BCORL1: variants seen among roughly 807,000 people sequenced by gnomAD.
The protein encoded by BCORL1 is BCL6 corepressor like 1.
Under a neutral mutation model 87.6 loss-of-function variants are expected in BCORL1, and 7 were observed. The observed-to-expected ratio is 0.08, with a 90% CI of 0.05 to 0.15. The LOEUF (loss-of-function observed/expected upper bound fraction) is 0.15. Ranked by LOEUF, BCORL1 falls within the 10% of genes least tolerant of loss-of-function variation. The probability of loss-of-function intolerance (pLI) is 1.00; values close to 1 mark genes in which losing one functional copy is unlikely to be tolerated. For synonymous variants in BCORL1, 591 were observed against 634.4 expected, an observed-to-expected ratio of 0.93 and a Z score of 1.03; for missense variants, 1,215 against 1,499.7, an observed-to-expected ratio of 0.81 and a Z score of 3.13.
chrX:130,013,845 C>T lies in BCORL1; in HGVS notation c.1073C>T (p.Pro358Leu). Residue 358 changes from proline (P) to leucine (L), a missense_variant, in exon 4 of 14, where the codon CCC becomes CTC. Physicochemically the swap from Pro to Leu is moderately conservative, Grantham distance 98. Coordinates refer to ENST00000540052, the MANE Select transcript of BCORL1 (RefSeq NM_001379451.1). ...AAPAPPSVPM[P>L]TPTPSSGPPS... The stretch of plus-strand genomic sequence containing the variant: ...CCTGCCCCTCCGTCTGTGCCCATGC[C>T]CACTCCAACCCCATCTTCCGGCCCA... 1 of 1,167,534 alleles carries T rather than the reference C, an allele frequency of 8.6e-7. No individual in the cohort carries two copies. The highest frequency in any genetic ancestry group is 1.1e-6 in the Non-Finnish European group (1 of 873,193).
In BCORL1 at chrX:130,013,416, A is replaced by C. The variant is rs1252221686; in HGVS notation, c.644A>C (p.His215Pro). 1 of 1,209,175 alleles carries C rather than the reference A, an allele frequency of 8.3e-7. No homozygotes were observed. Among genetic ancestry groups the C allele is most frequent in the East Asian group, 3.0e-5 (1 of 33,729 alleles). ...PPAPGSASVP[H>P]SVPDAFQVPL... ...GCTCCCGGTTCGGCCTCTGTGCCCC[A>C]CTCTGTTCCAGATGCATTCCAGGTT... The change falls in exon 4 of 14, where the codon CAC becomes CCC. Residue 215 changes from histidine (H) to proline (P), a missense_variant. Coordinates refer to ENST00000540052, the MANE Select transcript of BCORL1 (RefSeq NM_001379451.1).
intron 2 of BCORL1, among the ~76,000 whole-genome samples, 198 bp from the exon 3 acceptor site, chrX:130,012,380 T>A: frequency 9.0e-6 from 1 of 111,385 alleles, no homozygotes; most frequent in Non-Finnish European, 1.9e-5. Context: ...TGGTAGGGAC[T>A]TGCAAAGCTA....
intron 1 of BCORL1, among the ~76,000 whole-genome samples, chrX:129,984,838 A>T (rs1365233396): frequency 9.0e-6 from 1 of 110,935 alleles, no homozygotes; most frequent in African/African-American, 3.3e-5. Flanking sequence ...TTTTTGTTTT[A>T]TTGTTTTGAA....
chrX:130,009,465 GAAAAAA>G (rs58485210), intron 2 of BCORL1, among the ~76,000 whole-genome samples: 1 of 50,930 alleles, frequency 2.0e-5, no homozygotes, highest in Non-Finnish European at 4.3e-5. Context: ...CTAAAAGAAA[GAAAAAA>G]AAAAAAAAAA....
In BCORL1 at chrX:130,013,888, C is replaced by T; in HGVS notation, c.1116C>T (p.Leu372=). 1 of 1,165,101 alleles carries T rather than the reference C, an allele frequency of 8.6e-7. No homozygotes were observed. Among genetic ancestry groups the T allele is most frequent in the East Asian group, 3.2e-5 (1 of 30,785 alleles). Residue 372 remains leucine (L), a synonymous_variant, in exon 4 of 14, where the codon CTC becomes CTT. Coordinates refer to ENST00000540052, the MANE Select transcript of BCORL1 (RefSeq NM_001379451.1). ...CCGGCCCACCTTCTACCCCCACCCT[C>T]ATCCCCGCCTTTGCTCCTACACCGG... ...PSSGPPSTPT[L]IPAFAPTPVP... is the part of the protein sequence containing the mutation.
chrX:130,018,163 A>G (rs113007334), intron 4 of BCORL1, among the ~76,000 whole-genome samples: 1 of 112,045 alleles, frequency 8.9e-6, no homozygotes, highest in Non-Finnish European at 1.9e-5. Flanking sequence ...CTTAATCTCT[A>G]TGGCCTTCAG....
intron 12 of BCORL1, among the ~76,000 whole-genome samples, chrX:130,051,472 C>T (rs1471970134): frequency 8.9e-6 from 1 of 112,922 alleles, no homozygotes; most frequent in African/African-American, 3.2e-5. Context: ...GCCCTGCAGG[C>T]AGTGAGGTGG....
chrX:130,008,227 C>G (rs1928649652), intron 2 of BCORL1, among the ~76,000 whole-genome samples: 1 of 109,930 alleles, frequency 9.1e-6, no homozygotes, highest in African/African-American at 3.3e-5. Context: ...GCCAGATTTT[C>G]CTTCCTTCTA....
intron 4 of BCORL1, 26 bp downstream of exon 4, chrX:130,016,239 T>A: frequency 3.4e-6 from 4 of 1,165,940 alleles, no homozygotes; most frequent in Non-Finnish European, 4.6e-6. Context: ...AGGTCCAGGG[T>A]GGGGCCGAGA....
At position 130,028,878 on chromosome X, in the gene BCORL1, G is replaced by A. The variant is rs376638549; in HGVS notation, c.4305+17G>A. The A allele has an allele frequency of 1.5e-4, 165 of 1,131,125 alleles. No individual in the cohort carries two copies. In the African/African-American group the frequency reaches 3.0e-3, roughly 20 times the overall value. 93.2% of individuals were successfully genotyped at this position (1,131,125 alleles called of 1,213,427 possible). A position where few individuals can be genotyped will look rare whatever the true frequency, so the allele number is the denominator to read the frequency against. Reference sequence around the variant, plus strand: ...GAGGCAAAGGTGTGTAGCTATCAAGGGGTATTGTAGAAGGTGTGTGTGGCG... The same window carrying A: ...GAGGCAAAGGTGTGTAGCTATCAAGAGGTATTGTAGAAGGTGTGTGTGGCG... On this transcript the variant is annotated intron_variant, in intron 8 of 13. Transcript: ENST00000540052.
At chrX:130,038,485 C>CTT (rs373182779) in intron 10 of BCORL1, among the ~76,000 whole-genome samples, 1 of 99,834 alleles carries the variant, frequency 1.0e-5, no homozygotes, top group Non-Finnish European at 2.0e-5. Context: ...TTGCCCCCAC[C>CTT]TTTTTTTTTT....
intron 1 of BCORL1, among the ~76,000 whole-genome samples, chrX:130,003,588 C>T (rs1928240603): frequency 9.0e-6 from 1 of 110,978 alleles, no homozygotes; most frequent in African/African-American, 3.3e-5. Context: ...TCAGGCTGGT[C>T]TTGGACTCCC....
At position 130,051,916 on chromosome X, in the gene BCORL1, C is replaced by G; in HGVS notation, c.4975C>G (p.Gln1659Glu). 8.3e-7 allele frequency: 1 copy of G among 1,208,704 alleles called. No individual in the cohort carries two copies. Among genetic ancestry groups the G allele is most frequent in the East Asian group, 3.0e-5 (1 of 33,802 alleles). Residue 1659 changes from glutamine to glutamate, a missense_variant, in exon 13 of 14, where the codon CAA becomes GAA. Physicochemically the swap from Gln to Glu is conservative, Grantham distance 29. This residue lies in a region of BCORL1 where 129 missense variants were observed against 157.5 expected (regional missense o/e 0.82). Transcript: ENST00000540052. ...LLHNPPGSSD[Q>E]EGDDPMEEDD... is the part of the protein sequence containing the mutation. ...ACATAATCCTCCTGGGAGCTCAGAT[C>G]AAGAAGGAGACGATCCGATGGAGGA...
At chrX:129,989,107 G>A (rs1176711990) in intron 1 of BCORL1, among the ~76,000 whole-genome samples, 2 of 110,704 alleles carry the variant, frequency 1.8e-5, no homozygotes, top group African/African-American at 6.6e-5. Context: ...CTACTTCTTA[G>A]CTATGTGGCA....
intron 1 of BCORL1, among the ~76,000 whole-genome samples, chrX:130,001,560 TA>T (rs1928054613): frequency 9.0e-6 from 1 of 111,010 alleles, no homozygotes; most frequent in African/African-American, 3.3e-5. Flanking sequence ...GGGCTGGGGC[TA>T]GGGGGATGAC....
At chrX:130,040,804 G>A (rs990567078) in intron 11 of BCORL1, among the ~76,000 whole-genome samples, 2 of 111,829 alleles carry the variant, frequency 1.8e-5, no homozygotes, top group Admixed American at 9.5e-5. Context: ...CGTGTTATCT[G>A]CACTCCACTG....
rs767689194 is a variant in BCORL1, at chrX:130,050,802, T to C, written c.4918+8T>C. On this transcript the variant is annotated splice_region_variant and intron_variant, in intron 12 of 13. Coordinates refer to ENST00000540052, the MANE Select transcript of BCORL1 (RefSeq NM_001379451.1). Reference sequence around the variant, plus strand: ...ACAGCAGTTCTGTGTTGGGTAAGTTTTAAGTGAGATTCTTCCCACCCTTCT... The same window carrying C: ...ACAGCAGTTCTGTGTTGGGTAAGTTCTAAGTGAGATTCTTCCCACCCTTCT... 3 of 1,187,731 alleles carry C rather than the reference T, an allele frequency of 2.5e-6. No individual in the cohort carries two copies. Among genetic ancestry groups the C allele is most frequent in the Non-Finnish European group, 3.4e-6 (3 of 874,712 alleles).
chrX:130,047,749 T>C (rs1175570697), intron 11 of BCORL1, among the ~76,000 whole-genome samples: 1 of 111,351 alleles, frequency 9.0e-6, no homozygotes, highest in African/African-American at 3.3e-5. Flanking sequence ...AATTCCTCCC[T>C]CCTTTCCTCT....
chrX:130,011,133 C>T (rs770525148), intron 2 of BCORL1, among the ~76,000 whole-genome samples: 2 of 108,532 alleles, frequency 1.8e-5, no homozygotes, highest in East Asian at 2.9e-4. Context: ...ACCCAGGAAA[C>T]GCACTGCAGC....
Sources: gnomAD v4.1 joint callset for allele counts (sites outside exome capture counted in the v4.1 genomes callset) on GRCh38, gnomAD v4.1.1 for gene constraint, gnomAD v4.1.1 regional missense constraint, MANE v1.5 for transcripts, NCBI Gene and HGNC (gene_info 2026-07-23, HGNC 2026-07-21) for gene names.